The following PCGF5 variants were observed in gnomAD, a reference collection of about 807,000 sequenced individuals.
The protein encoded by PCGF5 is polycomb group RING finger protein 5.
Under a neutral mutation model 44.3 loss-of-function variants are expected in PCGF5, and 9 were observed. The ratio of observed to expected loss-of-function variants is 0.20; its 90% confidence interval spans 0.12 to 0.35. The LOEUF (loss-of-function observed/expected upper bound fraction) is 0.35. Ranked by LOEUF, PCGF5 falls within the 10% of genes least tolerant of loss-of-function variation. The pLI is 1.00. For missense variants in PCGF5, 146 were observed against 305.3 expected, an observed-to-expected ratio of 0.48 and a Z score of 3.89; for synonymous variants, 95 against 102.5, an observed-to-expected ratio of 0.93 and a Z score of 0.44.
chr10:91,174,912 G>C (rs150140069), intron 1 of PCGF5, among the ~76,000 whole-genome samples: 1 of 152,216 alleles, frequency 6.6e-6, no homozygotes, highest in Non-Finnish European at 1.5e-5. Context: ...CAGTAGAGAA[G>C]AGGCATCAGC....
intron 1 of PCGF5, among the ~76,000 whole-genome samples, chr10:91,187,277 C>T (rs933932596): frequency 6.6e-6 from 1 of 152,160 alleles, no homozygotes; most frequent in African/African-American, 2.4e-5. Flanking sequence ...CACTAATGTG[C>T]AAATCGGTTT....
chr10:91,189,581 A>G (rs1026993780), intron 1 of PCGF5, among the ~76,000 whole-genome samples: 8 of 152,244 alleles, frequency 5.3e-5, no homozygotes, highest in Non-Finnish European at 1.2e-4. Context: ...CAAATATCCA[A>G]GCTGATAAGA....
At chr10:91,227,238 C>T in intron 2 of PCGF5, 1 of 387,058 alleles carries the variant, frequency 2.6e-6, no homozygotes. Context: ...GATGTATGTT[C>T]TTTTTTTTTT....
intron 2 of PCGF5, among the ~76,000 whole-genome samples, chr10:91,229,981 CTTTT>C (rs552015637): frequency 6.6e-6 from 1 of 151,930 alleles, no homozygotes; most frequent in Non-Finnish European, 1.5e-5. Context: ...ATTTTGATGA[CTTTT>C]TTTAAATAAG....
intron 2 of PCGF5, among the ~76,000 whole-genome samples, chr10:91,230,075 CT>C (rs1399990190): frequency 4.6e-5 from 7 of 152,032 alleles, no homozygotes; most frequent in African/African-American, 1.7e-4. Context: ...GTTCGTTTAG[CT>C]TTTGAAACTA....
chr10:91,189,904 C>T (rs543507212), intron 1 of PCGF5, among the ~76,000 whole-genome samples: 20 of 152,222 alleles, frequency 1.3e-4, no homozygotes, highest in Middle Eastern at 3.4e-3. Flanking sequence ...TGGAAACATA[C>T]GGAGATTTTA....
intron 2 of PCGF5, chr10:91,227,464 C>CT (rs1441295411): frequency 6.2e-6 from 8 of 1,284,964 alleles, no homozygotes; most frequent in Middle Eastern, 2.1e-4. Flanking sequence ...ATGCTTGACT[C>CT]TTTACCCTCA....
intron 2 of PCGF5, chr10:91,227,280 G>C (rs1458573205): frequency 1.2e-5 from 6 of 511,818 alleles, no homozygotes; most frequent in African/African-American, 2.0e-5. Context: ...TGAGACTTCA[G>C]CTACCTGTGC....
At chr10:91,158,107 G>C (rs951331271), upstream of PCGF5, among the ~76,000 whole-genome samples, 23 of 152,190 alleles carry the variant, frequency 1.5e-4, no homozygotes, top group Admixed American at 8.5e-4. Flanking sequence ...GTAGAATACA[G>C]GCTGTTGACA....
intron 8 of PCGF5, among the ~76,000 whole-genome samples, chr10:91,265,150 G>A (rs1264076842): frequency 6.6e-6 from 1 of 152,054 alleles, no homozygotes; most frequent in African/African-American, 2.4e-5. Context: ...TTTGATTCTG[G>A]TTAATTCTGT....
At chr10:91,244,367 CTTG>C (rs1249755384) in intron 3 of PCGF5, among the ~76,000 whole-genome samples, 1 of 152,076 alleles carries the variant, frequency 6.6e-6, no homozygotes, top group Non-Finnish European at 1.5e-5. Context: ...GTATCTACGC[CTTG>C]TTGGACGACC....
At chr10:91,234,024 A>G (rs1301390566) in intron 2 of PCGF5, among the ~76,000 whole-genome samples, 1 of 152,216 alleles carries the variant, frequency 6.6e-6, no homozygotes, top group African/African-American at 2.4e-5. Context: ...AGAAATTTGT[A>G]TATTTTGACA....
chr10:91,223,012 A>G (rs1040636812), intron 2 of PCGF5, 29 bp downstream of exon 2: 7 of 1,372,370 alleles, frequency 5.1e-6, no homozygotes, highest in African/African-American at 4.3e-5. Context: ...TATTATACCT[A>G]TCAAAGTTTA....
chr10:91,181,294 T>C (rs1843814974), intron 1 of PCGF5, among the ~76,000 whole-genome samples: 1 of 152,224 alleles, frequency 6.6e-6, no homozygotes, highest in South Asian at 2.1e-4. Flanking sequence ...GATCCTGTCA[T>C]CTAAAAACAG....
chr10:91,187,157 G>T (rs7082516), intron 1 of PCGF5, among the ~76,000 whole-genome samples: 141,409 of 152,222 alleles, frequency 0.93, 65,765 homozygotes, highest in African/African-American at 0.97. Context: ...CTGAGGACTT[G>T]TAAAAAATAC....
intron 1 of PCGF5, among the ~76,000 whole-genome samples, chr10:91,204,960 A>G (rs986017686): frequency 5.3e-5 from 8 of 152,220 alleles, no homozygotes; most frequent in Non-Finnish European, 1.2e-4. Flanking sequence ...ATACATAGCT[A>G]TATTTAAATT....
chr10:91,164,229 C>T (rs928689691), intron 1 of PCGF5, among the ~76,000 whole-genome samples: 15 of 152,186 alleles, frequency 9.9e-5, no homozygotes, highest in African/African-American at 3.6e-4. Flanking sequence ...GGGTCCCCCC[C>T]TTCCACAATA....
At chr10:91,184,017 A>G (rs750977977) in intron 1 of PCGF5, among the ~76,000 whole-genome samples, 1 of 151,912 alleles carries the variant, frequency 6.6e-6, no homozygotes, top group Admixed American at 6.6e-5. Context: ...TCGACCTTGG[A>G]TAATCTGATG....
intron 1 of PCGF5, among the ~76,000 whole-genome samples, chr10:91,175,659 C>A (rs1843692665): frequency 6.6e-6 from 1 of 152,038 alleles, no homozygotes; most frequent in African/African-American, 2.4e-5. Flanking sequence ...AACAAATGAA[C>A]AACAATAAAA....
Sources: allele counts gnomAD v4.1 joint callset (sites outside exome capture counted in the v4.1 genomes callset), GRCh38; gene constraint gnomAD v4.1.1; transcripts MANE v1.5; gene names NCBI Gene and HGNC (gene_info 2026-07-23, HGNC 2026-07-21).